The following GALNT5 variants were observed in gnomAD, a reference collection of about 807,000 sequenced individuals.
GALNT5 encodes polypeptide N-acetylgalactosaminyltransferase 5.
A neutral mutation model predicts 85.4 loss-of-function variants in GALNT5; 72 were observed. The ratio of observed to expected loss-of-function variants is 0.84; its 90% CI spans 0.70 to 1.03. The LOEUF (loss-of-function observed/expected upper bound fraction) is 1.03. Ranked by LOEUF, GALNT5 falls within the 50% of genes least tolerant of loss-of-function variation. The pLI is 0.00. For missense variants in GALNT5, 1,137 were observed against 1,135.5 expected, an observed-to-expected ratio of 1.00 and a Z score of -0.02; for synonymous variants, 404 against 397.0, an observed-to-expected ratio of 1.02 and a Z score of -0.21.
chr2:157,288,132 A>G (rs1011483660), intron 3 of GALNT5, among the ~76,000 whole-genome samples: 11 of 152,206 alleles, frequency 7.2e-5, no homozygotes, highest in African/African-American at 1.9e-4. Context: ...CCACCAGCTT[A>G]AATTCAAGCA....
At position 157,296,398 on chromosome 2, in the gene GALNT5, A is replaced by T. The variant is rs751226709; in HGVS notation, c.1882A>T (p.Met628Leu). 6.2e-7 allele frequency: 1 copy of T among 1,608,826 alleles called. No individual in the cohort carries two copies. Among genetic ancestry groups the T allele is most frequent in the East Asian group, 2.2e-5 (1 of 44,784 alleles). Residue 628 changes from methionine (M) to leucine (L), a missense_variant, in exon 5 of 10, where the codon ATG (methionine) becomes TTG (leucine). By Grantham distance (15) the Met-to-Leu change is conservative (BLOSUM62 2). Coordinates refer to ENST00000259056, the MANE Select transcript of GALNT5 (RefSeq NM_014568.3). ...GTTTTTCATTTCCTGGATTAGTTAC[A>T]TGACAGTGGATAACTTTCAAAGAGG... is the stretch of plus-strand genomic sequence containing the variant. The part of the protein sequence containing the change: ...EVINDKDMSY[M>L]TVDNFQRGIF...
At chr2:157,280,212 C>T (rs1439745624) in intron 1 of GALNT5, among the ~76,000 whole-genome samples, 4 of 152,188 alleles carry the variant, frequency 2.6e-5, no homozygotes, top group African/African-American at 9.7e-5. Context: ...CCTGGAAAAA[C>T]AGTGAATATT....
chr2:157,265,165 T>C (rs576143819), intron 1 of GALNT5, among the ~76,000 whole-genome samples: 203 of 152,336 alleles, frequency 1.3e-3, no homozygotes, highest in Non-Finnish European at 2.2e-3. Context: ...GTTTGTGTGT[T>C]AGAGCACAGT....
chr2:157,299,654 C>G lies in GALNT5; in HGVS notation c.2104C>G (p.Leu702Val). Residue 702 changes from leucine (L) to valine (V), a missense_variant, in exon 6 of 10, where the codon CTC becomes GTC. Transcript: ENST00000259056. ...TGTTTGGGGTGGGGAAAATATGGAG[C>G]TCTCATTCAAGGTATTACCAGGTGT... ...LDVWGGENMELSFKVWMCGGE... is the reference protein window; with the variant it reads ...LDVWGGENMEVSFKVWMCGGE... 7 of 1,579,306 alleles carry G rather than the reference C, an allele frequency of 4.4e-6. No individual in the cohort carries two copies. The highest frequency in any genetic ancestry group is 6.1e-6 in the Non-Finnish European group (7 of 1,149,464).
chr2:157,267,264 G>A (rs185963648), intron 1 of GALNT5, among the ~76,000 whole-genome samples: 112 of 152,306 alleles, frequency 7.4e-4, no homozygotes, highest in Non-Finnish European at 1.1e-3. Context: ...CAATGAGGAC[G>A]TAAATGAGGC....
intron 3 of GALNT5, among the ~76,000 whole-genome samples, chr2:157,290,476 C>T (rs1199446975): frequency 3.3e-5 from 5 of 152,020 alleles, no homozygotes; most frequent in Admixed American, 6.6e-5. Context: ...AGATGGCAGG[C>T]GTGGTGGGTC....
intron 1 of GALNT5, among the ~76,000 whole-genome samples, chr2:157,263,347 C>T (rs1458479667): frequency 6.6e-6 from 1 of 152,168 alleles, no homozygotes; most frequent in South Asian, 2.1e-4. Context: ...ATTCACTGGT[C>T]CCTTCCCACA....
chr2:157,295,852 A>G, intron 4 of GALNT5, 54 bp downstream of exon 4: 1 of 1,379,708 alleles, frequency 7.2e-7, no homozygotes, highest in Non-Finnish European at 1.0e-6. Flanking sequence ...AATCACAAGC[A>G]GCAGAAAGTG....
In GALNT5 at chr2:157,314,099, A is replaced by C. The variant is rs1012159994; in HGVS notation, c.*2751A>C. 4.6e-5 allele frequency: 7 copies of C among 152,024 alleles called. No homozygotes were observed. Among genetic ancestry groups the C allele is most frequent in the African/African-American group, 1.7e-4 (7 of 41,396 alleles). 9.4% of individuals were successfully genotyped at this position (152,024 alleles called of 1,614,324 possible). A position where few individuals can be genotyped will look rare whatever the true frequency, so the allele number is the denominator to read the frequency against. On this transcript the variant is annotated 3_prime_UTR_variant, in exon 10 of 10. Coordinates refer to ENST00000259056, the MANE Select transcript of GALNT5 (RefSeq NM_014568.3). ...ACTCGGTCTTCTGGTAATTCTAGTGATAAACCTTTGGATGAGACAGGTCCT... is the reference window on the plus strand; with the variant it reads ...ACTCGGTCTTCTGGTAATTCTAGTGCTAAACCTTTGGATGAGACAGGTCCT...
chr2:157,307,624 C>T lies in GALNT5; in HGVS notation c.2521-943C>T, dbSNP rs577630084. Among the ~76,000 whole-genome samples, 21 of 152,268 alleles carry T rather than the reference C, an allele frequency of 1.4e-4. No individual in the cohort carries two copies. In the East Asian group the frequency reaches 3.3e-3, roughly 24 times the overall value. On this transcript the variant is annotated intron_variant, in intron 8 of 9. Coordinates refer to ENST00000259056, the MANE Select transcript of GALNT5 (RefSeq NM_014568.3). ...ACTTCTAAGTAGCTCCCAGCTGATG[C>T]GGATGTTGGTCCAAGGACCACCCTT...
chr2:157,265,467 A>T (rs1355771486), intron 1 of GALNT5, among the ~76,000 whole-genome samples: 1 of 152,248 alleles, frequency 6.6e-6, no homozygotes, highest in Non-Finnish European at 1.5e-5. Flanking sequence ...AATAGAAAAC[A>T]GAAATGTTAA....
rs1302655320 is a variant in GALNT5, at chr2:157,313,796, C to A, written c.*2448C>A. On this transcript the variant is annotated 3_prime_UTR_variant, in exon 10 of 10. Transcript: ENST00000259056. ...CACATCCTTTCTGACTTTACCCTGA[C>A]AAACTTATTATATAAAGCTATATTT... 6.6e-6 allele frequency: 1 copy of A among 152,136 alleles called. No individual in the cohort carries two copies. Among genetic ancestry groups the A allele is most frequent in the African/African-American group, 2.4e-5 (1 of 41,444 alleles). 9.4% of individuals were successfully genotyped at this position (152,136 alleles called of 1,614,324 possible). A position where few individuals can be genotyped will look rare whatever the true frequency, so the allele number is the denominator to read the frequency against.
At chr2:157,293,060 C>T (rs561754988) in intron 3 of GALNT5, among the ~76,000 whole-genome samples, 1 of 152,308 alleles carries the variant, frequency 6.6e-6, no homozygotes, top group African/African-American at 2.4e-5. Context: ...GCAGGCCACG[C>T]TTCATACACC....
chr2:157,304,155 A>G (rs1256805818), intron 7 of GALNT5, among the ~76,000 whole-genome samples: 2 of 152,162 alleles, frequency 1.3e-5, no homozygotes, highest in Non-Finnish European at 2.9e-5. Context: ...AGATTATTCT[A>G]CCTTCATGTC....
intron 1 of GALNT5, among the ~76,000 whole-genome samples, chr2:157,281,513 G>A (rs1199000872): frequency 6.6e-6 from 1 of 152,160 alleles, no homozygotes; most frequent in East Asian, 1.9e-4. Context: ...CTGTTGGTGA[G>A]GGCTCAGAAG....
At chr2:157,266,465 G>T (rs1682460850) in intron 1 of GALNT5, among the ~76,000 whole-genome samples, 1 of 152,138 alleles carries the variant, frequency 6.6e-6, no homozygotes, top group South Asian at 2.1e-4. Flanking sequence ...CCAAGGCCCT[G>T]TGCTAAAGGG....
chr2:157,286,893 A>AGTGTGTGTGTGTGTGTGTGT (rs3072178), intron 3 of GALNT5, among the ~76,000 whole-genome samples: 4 of 135,828 alleles, frequency 2.9e-5, no homozygotes, highest in African/African-American at 1.1e-4. Context: ...TTTAAATACC[A>AGTGTGTGTGTGTGTGTGTGT]GTGTGTGTGT....
intron 3 of GALNT5, 53 bp downstream of exon 3, chr2:157,286,187 G>A: frequency 6.8e-7 from 1 of 1,479,878 alleles, no homozygotes. Context: ...AATTTAAAAT[G>A]TTTCTCAAAC....
At chr2:157,271,794 T>G (rs923258762) in intron 1 of GALNT5, among the ~76,000 whole-genome samples, 1 of 152,194 alleles carries the variant, frequency 6.6e-6, no homozygotes, top group Non-Finnish European at 1.5e-5. Flanking sequence ...TGTTTGGATA[T>G]AAGTTAAGTC....
Sources: gnomAD v4.1 joint callset for allele counts (sites outside exome capture counted in the v4.1 genomes callset) on GRCh38, gnomAD v4.1.1 for gene constraint, MANE v1.5 for transcripts, NCBI Gene and HGNC (gene_info 2026-07-23, HGNC 2026-07-21) for gene names.